TUSC3: variants seen among roughly 807,000 people sequenced by gnomAD.
TUSC3 encodes the protein dolichyl-diphosphooligosaccharide--protein glycosyltransferase subunit TUSC3.
In TUSC3, 45 loss-of-function variants were observed where a neutral mutation model predicts 44.8. That is an observed-to-expected ratio of 1.00 (90% confidence interval 0.79 to 1.29). TUSC3 has a LOEUF of 1.29. TUSC3 is among the 50% of genes most tolerant of loss of function. The pLI is 0.00. For synonymous variants in TUSC3, 212 were observed against 152.9 expected (o/e 1.39, Z -2.85); for missense variants, 519 against 437.9 (o/e 1.19, Z -1.65).
intron 2 of TUSC3, among the ~76,000 whole-genome samples, chr8:15,504,615 ATATATATT>A (rs1275277145): frequency 0.013 from 248 of 18,580 alleles, no homozygotes; most frequent in Non-Finnish European, 0.016. Context: ...ATATATATAT[ATATATATT>A]TTTTTTTTTT....
intron 1 of TUSC3, among the ~76,000 whole-genome samples, chr8:15,455,222 C>G (rs1987460): frequency 0.56 from 85,281 of 152,044 alleles, 28,170 homozygotes; most frequent in Non-Finnish European, 0.72. Context: ...CCTCCTATTC[C>G]TCCTCCCCCA....
At chr8:15,698,907 G>A (rs951393737) in intron 6 of TUSC3, among the ~76,000 whole-genome samples, 2 of 151,038 alleles carry the variant, frequency 1.3e-5, no homozygotes, top group African/African-American at 2.4e-5. Context: ...GTTCAGTGGC[G>A]TGATCACAGC....
intron 2 of TUSC3, among the ~76,000 whole-genome samples, chr8:15,523,660 ATATATGTGTGTGTGTGTGTGTG>A (rs1409824399): frequency 3.2e-3 from 53 of 16,400 alleles, no homozygotes; most frequent in African/African-American, 0.012. Flanking sequence ...ATATATATAT[ATATATGTGTGTGTGTGTGTGTG>A]TGTGTGTGTG....
chr8:15,519,950 G>A (rs1801272587), intron 2 of TUSC3, among the ~76,000 whole-genome samples: 1 of 152,162 alleles, frequency 6.6e-6, no homozygotes, highest in Non-Finnish European at 1.5e-5. Flanking sequence ...AGATTGGAGG[G>A]ACCTATGGAT....
At chr8:15,451,663 G>C (rs896632645) in intron 1 of TUSC3, among the ~76,000 whole-genome samples, 36 of 152,042 alleles carry the variant, frequency 2.4e-4, no homozygotes, top group Admixed American at 5.2e-4. Context: ...AATAGTAATT[G>C]AACCTGAGGA....
rs577327782 is a variant in TUSC3, at chr8:15,423,876, C to T, written n.91+6571C>T. On this transcript the variant is annotated intron_variant and non_coding_transcript_variant, in intron 1 of 5. Transcript: ENST00000503191. Reference sequence around the variant, plus strand: ...AGTTTGTTTCTCTATTGAGAGAAGGCGGGATTACCCCTGTTGTGTGGGGCT... The same window carrying T: ...AGTTTGTTTCTCTATTGAGAGAAGGTGGGATTACCCCTGTTGTGTGGGGCT... Among the ~76,000 whole-genome samples the T allele has an allele frequency of 5.4e-5, 8 of 148,384 alleles. No homozygotes were observed. The South Asian group carries it at 6.6e-4, about 12-fold the overall frequency.
intron 10 of TUSC3, among the ~76,000 whole-genome samples, chr8:15,762,434 A>G (rs760833141): frequency 1.8e-4 from 27 of 152,140 alleles, no homozygotes; most frequent in Non-Finnish European, 2.9e-5. Context: ...AACATTAATA[A>G]AGTACTCACA....
chr8:15,697,025 A>G lies in TUSC3; in HGVS notation c.798+23189A>G, dbSNP rs149333977. Reference sequence around the variant, plus strand: ...TAAGCTAGGAGGGTTGCATCTTGCCAGGAACTTAACCATCTCTCTAGGTTT... The same window carrying G: ...TAAGCTAGGAGGGTTGCATCTTGCCGGGAACTTAACCATCTCTCTAGGTTT... On this transcript the variant is annotated intron_variant, in intron 6 of 10. Coordinates refer to ENST00000503731, the MANE Select transcript of TUSC3 (RefSeq NM_006765.4). Among the ~76,000 whole-genome samples, 771 of 152,288 alleles carry G rather than the reference A, an allele frequency of 5.1e-3. 3 individuals carry two copies. The highest frequency in any genetic ancestry group is 0.017 in the Middle Eastern group (5 of 294).
chr8:15,595,957 G>A (rs993333489), intron 1 of TUSC3, among the ~76,000 whole-genome samples: 3 of 152,070 alleles, frequency 2.0e-5, no homozygotes, highest in Non-Finnish European at 4.4e-5. Context: ...TGGTCCCAAA[G>A]GTATATCTTT....
intron 2 of TUSC3, among the ~76,000 whole-genome samples, chr8:15,634,667 C>G (rs1017760143): frequency 1.3e-5 from 2 of 152,158 alleles, no homozygotes; most frequent in African/African-American, 4.8e-5. Context: ...AAAGGTGGTT[C>G]TCAAAGACAA....
chr8:15,726,379 A>G (rs144182774), intron 6 of TUSC3, among the ~76,000 whole-genome samples: 32 of 152,252 alleles, frequency 2.1e-4, no homozygotes, highest in Non-Finnish European at 3.2e-4. Flanking sequence ...ATGCTATGCT[A>G]TTTGTCTTCT....
intron 3 of TUSC3, chr8:15,651,018 CACACAA>C: frequency 5.6e-6 from 2 of 354,786 alleles, no homozygotes; most frequent in Admixed American, 8.9e-5. Flanking sequence ...CACACACACA[CACACAA>C]ATACAATTCA....
At chr8:15,446,534 C>T (rs553485038) in intron 1 of TUSC3, among the ~76,000 whole-genome samples, 14 of 151,918 alleles carry the variant, frequency 9.2e-5, no homozygotes, top group East Asian at 3.9e-4. Context: ...GAGACCAGCC[C>T]GGCCAACACG....
At chr8:15,457,075 C>G (rs1416187164) in intron 1 of TUSC3, among the ~76,000 whole-genome samples, 2 of 150,486 alleles carry the variant, frequency 1.3e-5, no homozygotes, top group African/African-American at 4.9e-5. Context: ...GGATAAAAAA[C>G]CAAACACTGC....
intron 2 of TUSC3, among the ~76,000 whole-genome samples, chr8:15,628,925 C>G (rs550692236): frequency 6.6e-6 from 1 of 152,170 alleles, no homozygotes; most frequent in African/African-American, 2.4e-5. Context: ...GCTATGGTTG[C>G]AAAGTTGGAT....
chr8:15,747,406 TAA>T (rs1165750990), intron 8 of TUSC3, among the ~76,000 whole-genome samples: 3 of 151,864 alleles, frequency 2.0e-5, no homozygotes, highest in African/African-American at 4.8e-5. Context: ...AGATATTTCT[TAA>T]GAGATTAACA....
At chr8:15,482,123 C>T (rs145390134) in intron 1 of TUSC3, among the ~76,000 whole-genome samples, 1 of 152,300 alleles carries the variant, frequency 6.6e-6, no homozygotes, top group African/African-American at 2.4e-5. Context: ...CTTTGTTCAT[C>T]CCTCGGAAAC....
intron 4 of TUSC3, 111 bp from the exon 5 acceptor site, chr8:15,662,045 G>A (rs1807447528): frequency 8.5e-7 from 1 of 1,179,692 alleles, no homozygotes; most frequent in African/African-American, 1.5e-5. Flanking sequence ...ATGAAAAGTT[G>A]GGTGGCATGT....
chr8:15,606,268 A>C (rs1383432961), intron 1 of TUSC3, among the ~76,000 whole-genome samples: 1 of 152,100 alleles, frequency 6.6e-6, no homozygotes, highest in East Asian at 1.9e-4. Flanking sequence ...ACAATACAGT[A>C]CTATAAATGT....
Sources: allele counts gnomAD v4.1 joint callset (sites outside exome capture counted in the v4.1 genomes callset), GRCh38; gene constraint gnomAD v4.1.1; transcripts MANE v1.5; gene names NCBI Gene and HGNC (gene_info 2026-07-23, HGNC 2026-07-21).